The following STARD4 variants were observed in gnomAD, a reference collection of about 807,000 sequenced individuals.
The protein encoded by STARD4 is StAR related lipid transfer domain containing 4, also known as stAR-related lipid transfer protein 4.
STARD4 carries 33 observed loss-of-function variants against 24.9 expected under a neutral mutation model. The observed-to-expected ratio is 1.32, with a 90% CI of 1.00 to 1.77. The LOEUF (loss-of-function observed/expected upper bound fraction) is 1.77, where lower values mean the gene tolerates loss of function less well. Ranked by LOEUF, STARD4 falls within the 40% of genes most tolerant of loss-of-function variation. The pLI is 0.00. For synonymous variants in STARD4, 88 were observed against 77.4 expected (o/e 1.14, Z -0.72); for missense variants, 238 against 249.3 (o/e 0.95, Z 0.31).
intron 3 of STARD4, among the ~76,000 whole-genome samples, chr5:111,503,046 G>T (rs567623326): frequency 1.3e-5 from 2 of 151,962 alleles, no homozygotes; most frequent in Admixed American, 1.3e-4. Flanking sequence ...TCTTTCCTCA[G>T]TTATCCTCTG....
intron 3 of STARD4, among the ~76,000 whole-genome samples, chr5:111,502,832 T>C (rs1756566913): frequency 6.7e-6 from 1 of 150,224 alleles, no homozygotes; most frequent in Admixed American, 6.6e-5. Flanking sequence ...TTTTTTTTTC[T>C]AAAGGGAATA....
rs1010358450 is a variant in STARD4 at position 111,498,727 on chromosome 5, T to A, written c.*1159A>T. On this transcript the variant is annotated 3_prime_UTR_variant, in exon 6 of 6. Transcript: ENST00000296632. ...CAGATCTTGATCAATCTAGATACTA[T>A]GAGATAATTCACCATGAACATTGTG... The A allele has an allele frequency of 1.3e-5, 2 of 152,170 alleles. No individual in the cohort carries two copies. Among genetic ancestry groups the A allele is most frequent in the Admixed American group, 6.5e-5 (1 of 15,272 alleles). The allele number at this position is 152,170 out of a possible 1,614,324, so 9.4% of individuals were successfully genotyped here. A position where few individuals can be genotyped will look rare whatever the true frequency, so the allele number is the denominator to read the frequency against.
chr5:111,505,028 A>G (rs1219248849), intron 3 of STARD4: 3 of 454,744 alleles, frequency 6.6e-6, no homozygotes, highest in African/African-American at 4.0e-5. Flanking sequence ...TTTTGATCAC[A>G]TATCCCTTTA....
chr5:111,500,141 G>A, intron 5 of STARD4, 35 bp from the exon 6 acceptor site: 1 of 1,522,244 alleles, frequency 6.6e-7, no homozygotes, highest in South Asian at 1.3e-5. Flanking sequence ...ACTATTAATA[G>A]CAATAACTGA....
At position 111,503,515 on chromosome 5, in the gene STARD4, G is replaced by C. The variant is rs917828306; in HGVS notation, c.156-1427C>G. 6.6e-5 allele frequency among the ~76,000 whole-genome samples: 10 copies of C among 152,274 alleles called. No homozygotes were observed. In the South Asian group the frequency reaches 8.3e-4, roughly 13 times the overall value. ...GTGGTGGCGCATGCCTATAGTCCCA[G>C]CTGCTTCGGAGGCTGAGGCAGGAGA... On this transcript the variant is annotated intron_variant, in intron 3 of 5. Transcript: ENST00000296632.
In STARD4 at chr5:111,508,803, T is replaced by A. The variant is rs533983072; in HGVS notation, c.-9-1361A>T. ...AAAATAGTCTCACTAATTATTCTGT[T>A]GTCTAGCCAGAGATCAGAACTAACT... On this transcript the variant is annotated intron_variant, in intron 1 of 5. Coordinates refer to ENST00000296632, the MANE Select transcript of STARD4 (RefSeq NM_139164.3). Among the ~76,000 whole-genome samples, 10 of 152,250 alleles carry A rather than the reference T, an allele frequency of 6.6e-5. No individual in the cohort carries two copies. The East Asian group carries it at 1.9e-3, about 29-fold the overall frequency.
chr5:111,505,055 A>T (rs1008785052), intron 3 of STARD4: 1 of 455,490 alleles, frequency 2.2e-6, no homozygotes, highest in Admixed American at 2.4e-5. Flanking sequence ...TGAAAAAAAA[A>T]AAACCAGTGT....
chr5:111,498,431 A>G lies in STARD4; in HGVS notation c.*1455T>C, dbSNP rs901733762. ...CACAAATCCCTTACTCAAGTTAGGCACCTTTGGAATTTCACCATCCTAGAT... is the reference window on the plus strand; with the variant it reads ...CACAAATCCCTTACTCAAGTTAGGCGCCTTTGGAATTTCACCATCCTAGAT... On this transcript the variant is annotated 3_prime_UTR_variant, in exon 6 of 6. Coordinates refer to ENST00000296632, the MANE Select transcript of STARD4 (RefSeq NM_139164.3). The G allele has an allele frequency of 2.0e-5, 3 of 151,662 alleles. No homozygotes were observed. Among genetic ancestry groups the G allele is most frequent in the Non-Finnish European group, 4.4e-5 (3 of 67,916 alleles). The allele number at this position is 151,662 out of a possible 1,614,324, so 9.4% of individuals were successfully genotyped here.
chr5:111,500,811 A>G (rs1285864068), intron 5 of STARD4, 191 bp downstream of exon 5: 20 of 1,485,864 alleles, frequency 1.3e-5, no homozygotes, highest in Non-Finnish European at 9.7e-6. Flanking sequence ...GGGAACAAAA[A>G]CTTATCAGAA....
At chr5:111,500,605 TGAAAA>T in intron 5 of STARD4, 1 of 1,113,136 alleles carries the variant, frequency 9.0e-7, no homozygotes, top group Non-Finnish European at 1.1e-6. Context: ...TTTTTAATCT[TGAAAA>T]GAAAAATACA....
Position 111,500,588 on chromosome 5 carries a change from G to A in STARD4, c.397+414C>T, listed in dbSNP as rs1266581155. On this transcript the variant is annotated intron_variant, in intron 5 of 5. Coordinates refer to ENST00000296632, the MANE Select transcript of STARD4 (RefSeq NM_139164.3). ...TTTTAGAAAACAGGAGCCTTCCAAT[G>A]GCAGTATTTTTAATCTTGAAAAGAA... 8.2e-6 allele frequency: 9 copies of A among 1,093,750 alleles called. No individual in the cohort carries two copies. In the South Asian group the frequency reaches 2.5e-4, roughly 31 times the overall value. The allele number at this position is 1,093,750 out of a possible 1,614,324, so 67.8% of individuals were successfully genotyped here.
In STARD4 at chr5:111,496,530, C is replaced by T. The variant is rs1010662152; in HGVS notation, c.*3356G>A. On this transcript the variant is annotated 3_prime_UTR_variant, in exon 6 of 6. Transcript: ENST00000296632. ...GATTTAAAACACCTGATTCTAAGGA[C>T]GGTGGTACACTCTTGAGAAAAGAGT... 2.6e-5 allele frequency: 4 copies of T among 152,008 alleles called. No homozygotes were observed. The highest frequency in any genetic ancestry group is 1.9e-4 in the East Asian group (1 of 5,192). The allele number at this position is 152,008 out of a possible 1,614,324, so 9.4% of individuals were successfully genotyped here.
intron 1 of STARD4, among the ~76,000 whole-genome samples, chr5:111,512,005 G>A (rs1757327492): frequency 1.3e-5 from 2 of 152,286 alleles, no homozygotes; most frequent in South Asian, 2.1e-4. Flanking sequence ...ACCAGGAAGC[G>A]CGGTGACCTC....
chr5:111,498,571 G>A lies in STARD4; in HGVS notation c.*1315C>T, dbSNP rs1203636418. On this transcript the variant is annotated 3_prime_UTR_variant, in exon 6 of 6. Transcript: ENST00000296632. ...TGAGAAACTGAAACTAAACTACTGA[G>A]TTTTCTTTCACTATTGCAGAACAAA... 6.6e-6 allele frequency: 1 copy of A among 151,782 alleles called. No homozygotes were observed. The highest frequency in any genetic ancestry group is 2.4e-5 in the African/African-American group (1 of 41,334). The allele number at this position is 151,782 out of a possible 1,614,324, so 9.4% of individuals were successfully genotyped here.
intron 3 of STARD4, among the ~76,000 whole-genome samples, chr5:111,502,871 A>G (rs1756569463): frequency 6.6e-6 from 1 of 151,880 alleles, no homozygotes; most frequent in African/African-American, 2.4e-5. Context: ...GATAAATTAC[A>G]TTCTACCGGT....
In STARD4 at chr5:111,500,009, G is replaced by T. The variant is rs774260976; in HGVS notation, c.495C>A (p.Asn165Lys). The change falls in exon 6 of 6, where the codon AAC (asparagine) becomes AAA (lysine). Residue 165 changes from asparagine to lysine, a missense_variant. Transcript: ENST00000296632. The stretch of plus-strand genomic sequence containing the variant: ...GAATATATCCTGTCAAAAGACTCTG[G>T]TTTGGGTTGTCTTTAAGTGGAACAC... Reference protein sequence around the residue: ...WFCVPLKDNPNQSLLTGYIQT... With the variant: ...WFCVPLKDNPKQSLLTGYIQT... The T allele has an allele frequency of 1.9e-6, 3 of 1,614,014 alleles. No individual in the cohort carries two copies. The highest frequency in any genetic ancestry group is 3.3e-5 in the Admixed American group (2 of 59,996).
chr5:111,499,857 G>A lies in STARD4; in HGVS notation c.*29C>T. On this transcript the variant is annotated 3_prime_UTR_variant, in exon 6 of 6. Transcript: ENST00000296632. ...ATGTAGCTGAGAGAGTTGATCTGTAGTACTACAAGTTTGAATGTATTTTGC... is the reference window on the plus strand; with the variant it reads ...ATGTAGCTGAGAGAGTTGATCTGTAATACTACAAGTTTGAATGTATTTTGC... 1.3e-6 allele frequency: 2 copies of A among 1,582,586 alleles called. No individual in the cohort carries two copies. The highest frequency in any genetic ancestry group is 1.7e-6 in the Non-Finnish European group (2 of 1,151,606).
At position 111,502,205 on chromosome 5, in the gene STARD4, A is replaced by G; in HGVS notation, c.156-117T>C. On this transcript the variant is annotated intron_variant, in intron 3 of 5. Coordinates refer to ENST00000296632, the MANE Select transcript of STARD4 (RefSeq NM_139164.3). ...AAAATTAGGCCGGGTAGGGTGGCTC[A>G]TGTCTGTAATCCCAGCATTCTGGGA... 9 of 1,191,292 alleles carry G rather than the reference A, an allele frequency of 7.6e-6. No individual in the cohort carries two copies. The South Asian group carries it at 1.5e-4, about 20-fold the overall frequency. 73.8% of individuals were successfully genotyped at this position (1,191,292 alleles called of 1,614,324 possible).
Position 111,498,513 on chromosome 5 carries a change from G to A in STARD4, c.*1373C>T, listed in dbSNP as rs764117954. 6.6e-6 allele frequency: 1 copy of A among 150,898 alleles called. No homozygotes were observed. Among genetic ancestry groups the A allele is most frequent in the South Asian group, 2.1e-4 (1 of 4,774 alleles). 9.3% of individuals were successfully genotyped at this position (150,898 alleles called of 1,614,324 possible). On this transcript the variant is annotated 3_prime_UTR_variant, in exon 6 of 6. Transcript: ENST00000296632. ...CGCTAATAAAAACAAATAAAAAATA[G>A]ATGAAGTCAAAACTAACATTTACCA...
Sources: allele counts gnomAD v4.1 joint callset (sites outside exome capture counted in the v4.1 genomes callset), GRCh38; gene constraint gnomAD v4.1.1; transcripts MANE v1.5; gene names NCBI Gene and HGNC (gene_info 2026-07-23, HGNC 2026-07-21).